IL1RAPL1: variants seen among roughly 807,000 people sequenced by gnomAD.
IL1RAPL1 encodes interleukin 1 receptor accessory protein like 1.
A neutral mutation model predicts 48.4 loss-of-function variants in IL1RAPL1; 3 were observed. The observed-to-expected ratio is 0.06, with a 90% CI of 0.03 to 0.16. The LOEUF (loss-of-function observed/expected upper bound fraction) is 0.16, where lower values mean the gene tolerates loss of function less well. IL1RAPL1 is among the 10% of genes least tolerant of loss of function. IL1RAPL1 has a pLI of 1.00. For missense variants in IL1RAPL1, 349 were observed against 530.6 expected, an observed-to-expected ratio of 0.66 and a Z score of 3.36; for synonymous variants, 185 against 187.7, an observed-to-expected ratio of 0.99 and a Z score of 0.12.
At chrX:29,031,868 A>G (rs1351002434) in intron 2 of IL1RAPL1, among the ~76,000 whole-genome samples, 3 of 111,747 alleles carry the variant, frequency 2.7e-5, no homozygotes, top group Admixed American at 9.5e-5. Context: ...TAGGTGTGCA[A>G]CATGGAGAAT....
chrX:28,759,783 T>C (rs1936146840), intron 1 of IL1RAPL1, among the ~76,000 whole-genome samples: 1 of 111,767 alleles, frequency 8.9e-6, no homozygotes, highest in Non-Finnish European at 1.9e-5. Context: ...GTGGAGATGC[T>C]TGAGTATGGA....
intron 6 of IL1RAPL1, among the ~76,000 whole-genome samples, chrX:29,824,393 C>T: frequency 8.9e-6 from 1 of 111,999 alleles, no homozygotes; most frequent in East Asian, 2.8e-4. Flanking sequence ...CGTCATCCCA[C>T]ATTGAGAGCT....
At chrX:28,716,593 A>G (rs769578302) in intron 1 of IL1RAPL1, among the ~76,000 whole-genome samples, 32 of 111,709 alleles carry the variant, frequency 2.9e-4, no homozygotes, top group African/African-American at 8.1e-4. Context: ...AACCTAGGCA[A>G]TACTATTCAG....
intron 2 of IL1RAPL1, among the ~76,000 whole-genome samples, chrX:29,208,519 G>A (rs1930707754): frequency 9.1e-6 from 1 of 109,294 alleles, no homozygotes; most frequent in South Asian, 3.9e-4. Flanking sequence ...AGACCATCCT[G>A]GCTAACACGG....
In IL1RAPL1 at chrX:28,896,784, A is replaced by C. The variant is rs764853668; in HGVS notation, c.82+107359A>C. Among the ~76,000 whole-genome samples the C allele has an allele frequency of 1.2e-4, 13 of 109,890 alleles. No individual in the cohort carries two copies. The South Asian group carries it at 4.9e-3, about 41-fold the overall frequency. On this transcript the variant is annotated intron_variant, in intron 2 of 10. Coordinates refer to ENST00000378993, the MANE Select transcript of IL1RAPL1 (RefSeq NM_014271.4). ...CTGAGAGAACAAGCGGGAGGGAAAGAAGGAAGATTTGGGACGAGTTGCATT... is the reference window on the plus strand; with the variant it reads ...CTGAGAGAACAAGCGGGAGGGAAAGCAGGAAGATTTGGGACGAGTTGCATT...
intron 2 of IL1RAPL1, among the ~76,000 whole-genome samples, chrX:29,215,275 G>A (rs999068151): frequency 9.2e-6 from 1 of 109,239 alleles, no homozygotes. Flanking sequence ...CCTGGGAGGC[G>A]GAGGTTGCAG....
chrX:28,921,234 TTTGA>T (rs1287315927), intron 2 of IL1RAPL1, among the ~76,000 whole-genome samples: 82 of 111,830 alleles, frequency 7.3e-4, no homozygotes, highest in Non-Finnish European at 3.6e-4. Flanking sequence ...AGTTCTTTAA[TTTGA>T]TTGTATTACC....
intron 1 of IL1RAPL1, among the ~76,000 whole-genome samples, chrX:28,653,163 A>T (rs1233273047): frequency 9.0e-6 from 1 of 111,509 alleles, no homozygotes; most frequent in Non-Finnish European, 1.9e-5. Flanking sequence ...GAATATTTTA[A>T]CTCCACCTTT....
chrX:29,801,334 A>T (rs1929900509), intron 6 of IL1RAPL1, among the ~76,000 whole-genome samples: 1 of 111,293 alleles, frequency 9.0e-6, no homozygotes, highest in Non-Finnish European at 1.9e-5. Flanking sequence ...AGATGTTTGG[A>T]GGGCATGATT....
chrX:29,418,501 T>C (rs1934251995), intron 5 of IL1RAPL1, among the ~76,000 whole-genome samples: 1 of 111,372 alleles, frequency 9.0e-6, no homozygotes, highest in Non-Finnish European at 1.9e-5. Flanking sequence ...GTATCAACTT[T>C]TATAAGTCCA....
chrX:29,131,582 A>G (rs1009479500), intron 2 of IL1RAPL1, among the ~76,000 whole-genome samples: 83 of 111,307 alleles, frequency 7.5e-4, no homozygotes, highest in African/African-American at 2.5e-3. Context: ...CTGGCCCTCC[A>G]ACCTTGAATA....
intron 6 of IL1RAPL1, among the ~76,000 whole-genome samples, chrX:29,881,701 C>T (rs1434151826): frequency 1.8e-5 from 2 of 111,198 alleles, no homozygotes; most frequent in African/African-American, 3.3e-5. Flanking sequence ...ACAAACAACT[C>T]GATTACACTC....
intron 6 of IL1RAPL1, among the ~76,000 whole-genome samples, chrX:29,804,086 A>T (rs1228455077): frequency 9.0e-6 from 1 of 111,500 alleles, no homozygotes; most frequent in Non-Finnish European, 1.9e-5. Flanking sequence ...CAGACCCTTG[A>T]TTGACACTGT....
At chrX:29,688,797 G>A (rs1199231001) in intron 6 of IL1RAPL1, among the ~76,000 whole-genome samples, 1 of 101,463 alleles carries the variant, frequency 9.9e-6, no homozygotes, top group African/African-American at 3.6e-5. Flanking sequence ...CTGTGTTCAT[G>A]TGTGTTGTGC....
rs974582423 is a variant in IL1RAPL1 at position 29,637,155 on chromosome X, G to A, written c.704-31275G>A. ...AATAATAAGGAAAACAGATGAACTA[G>A]ATTTCTCTGTATATCAGTACCAATA... On this transcript the variant is annotated intron_variant, in intron 5 of 10. Coordinates refer to ENST00000378993, the MANE Select transcript of IL1RAPL1 (RefSeq NM_014271.4). 7.3e-5 allele frequency among the ~76,000 whole-genome samples: 8 copies of A among 109,057 alleles called. No individual in the cohort carries two copies. In the East Asian group the frequency reaches 2.3e-3, roughly 31 times the overall value. The allele number at this position is 109,057 out of a possible 115,157, so 94.7% of individuals were successfully genotyped here. A position where few individuals can be genotyped will look rare whatever the true frequency, so the allele number is the denominator to read the frequency against.
chrX:28,800,845 G>A (rs1040456964), intron 2 of IL1RAPL1, among the ~76,000 whole-genome samples: 17 of 93,633 alleles, frequency 1.8e-4, no homozygotes, highest in East Asian at 1.1e-3. Flanking sequence ...ATATTAAAGG[G>A]ATTTTATTTA....
rs143019402 is a variant in IL1RAPL1 at position 29,685,703 on chromosome X, T to C, written c.778+17199T>C. On this transcript the variant is annotated intron_variant, in intron 6 of 10. Coordinates refer to ENST00000378993, the MANE Select transcript of IL1RAPL1 (RefSeq NM_014271.4). ...GAAAATGATTATAAGAACAGAAGTA[T>C]TGGCCAGGTGCGGTGGCTCACACCT... Among the ~76,000 whole-genome samples, 759 of 109,953 alleles carry C rather than the reference T, an allele frequency of 6.9e-3. 5 individuals carry two copies. The highest frequency in any genetic ancestry group is 0.024 in the African/African-American group (721 of 30,164).
intron 2 of IL1RAPL1, among the ~76,000 whole-genome samples, chrX:29,088,672 C>CAAAAAAAAAAA (rs1182451817): frequency 1.5e-3 from 49 of 32,833 alleles, no homozygotes; most frequent in East Asian, 5.9e-3. Context: ...CACTCCTTCT[C>CAAAAAAAAAAA]AAAAAAAAAA....
rs1053738757 is a variant in IL1RAPL1, at chrX:29,653,412, C to T, written c.704-15018C>T. Among the ~76,000 whole-genome samples the T allele has an allele frequency of 2.7e-5, 3 of 111,734 alleles. No homozygotes were observed. In the Admixed American group the frequency reaches 2.9e-4, roughly 11 times the overall value. ...GAGTGGTGTTCAATGCTACTAAGAA[C>T]AAATTTGCAGATTTTTCCTGCAATG... On this transcript the variant is annotated intron_variant, in intron 5 of 10. Transcript: ENST00000378993.
Sources: allele counts gnomAD v4.1 joint callset (sites outside exome capture counted in the v4.1 genomes callset), GRCh38; gene constraint gnomAD v4.1.1; transcripts MANE v1.5; gene names NCBI Gene and HGNC (gene_info 2026-07-23, HGNC 2026-07-21).